The following TBXAS1 variants were observed in gnomAD, a reference collection of about 807,000 sequenced individuals.
The protein encoded by TBXAS1 is thromboxane-A synthase.
A neutral mutation model predicts 60.7 loss-of-function variants in TBXAS1; 48 were observed. The ratio of observed to expected loss-of-function variants is 0.79; its 90% CI spans 0.63 to 1.01. The LOEUF (loss-of-function observed/expected upper bound fraction) is 1.01, where lower values mean the gene tolerates loss of function less well. Ranked by LOEUF, TBXAS1 falls within the 50% of genes least tolerant of loss-of-function variation. The pLI is 0.00. For synonymous variants in TBXAS1, 287 were observed against 269.7 expected, an observed-to-expected ratio of 1.06 and a Z score of -0.63; for missense variants, 685 against 686.3, an observed-to-expected ratio of 1.00 and a Z score of 0.02.
At chr7:139,912,930 T>A in intron 4 of TBXAS1, 1 of 596,450 alleles carries the variant, frequency 1.7e-6, no homozygotes. Context: ...CAGGGATTCA[T>A]GTGCCATCTC....
At chr7:139,796,453 A>G (rs1207475274) in intron 4 of TBXAS1, among the ~76,000 whole-genome samples, 1 of 152,260 alleles carries the variant, frequency 6.6e-6, no homozygotes, top group African/African-American at 2.4e-5. Context: ...GGAGACATGA[A>G]GAAGACAGTG....
chr7:140,009,185 G>C (rs1814325569), intron 10 of TBXAS1, among the ~76,000 whole-genome samples: 1 of 152,238 alleles, frequency 6.6e-6, no homozygotes, highest in Non-Finnish European at 1.5e-5. Flanking sequence ...AGTTGGTGCA[G>C]GTGGACCAGG....
chr7:139,941,087 G>C (rs566020594), intron 5 of TBXAS1, among the ~76,000 whole-genome samples: 211 of 152,308 alleles, frequency 1.4e-3, no homozygotes, highest in African/African-American at 5.0e-3. Context: ...CAGATACTCG[G>C]CTGTGGGTAT....
intron 4 of TBXAS1, among the ~76,000 whole-genome samples, chr7:139,800,058 G>A (rs1218686053): frequency 6.6e-6 from 1 of 152,152 alleles, no homozygotes; most frequent in Non-Finnish European, 1.5e-5. Flanking sequence ...TGGATCTCCA[G>A]AGTTTCCCTG....
At chr7:139,931,943 G>A (rs554807421) in intron 4 of TBXAS1, among the ~76,000 whole-genome samples, 5 of 152,200 alleles carry the variant, frequency 3.3e-5, no homozygotes, top group Admixed American at 1.3e-4. Flanking sequence ...TGTAAGATGC[G>A]AAAAGTTCTG....
intron 9 of TBXAS1, among the ~76,000 whole-genome samples, chr7:139,983,112 T>G (rs1340972076): frequency 6.6e-6 from 1 of 152,264 alleles, no homozygotes. Context: ...TGATGCAAAC[T>G]GATTACATCA....
In TBXAS1 at chr7:139,829,767, T is replaced by C. The variant is rs552503042; in HGVS notation, c.89+288T>C. ...GAAACAAATTGGAAAGGCATTAGGT[T>C]TGGGTAGAAGCATTTCCTTGAACCC... On this transcript the variant is annotated intron_variant, in intron 1 of 12. Coordinates refer to ENST00000448866, the MANE Select transcript of TBXAS1 (RefSeq NM_001061.7). Among the ~76,000 whole-genome samples, 13 of 152,262 alleles carry C rather than the reference T, an allele frequency of 8.5e-5. No individual in the cohort carries two copies. The East Asian group carries it at 1.9e-3, about 23-fold the overall frequency.
rs1374664747 is a variant in TBXAS1, at chr7:139,963,873, T to TTC, written c.1134+1647_1134+1648dup. Among the ~76,000 whole-genome samples, 12 of 152,164 alleles carry TTC rather than the reference T, an allele frequency of 7.9e-5. No homozygotes were observed. In the East Asian group the frequency reaches 2.3e-3, roughly 29 times the overall value. The stretch of plus-strand genomic sequence containing the variant: ...GTCTCAAACTGGTGCACAGGTCCGT[T>TTC]TCTCTCTCGCCAGTTCTTGGCTGTG... On this transcript the variant is annotated intron_variant, in intron 9 of 12. Transcript: ENST00000448866.
chr7:139,875,604 T>G lies in TBXAS1; in HGVS notation c.203T>G (p.Met68Arg), dbSNP rs1489890758. ...FFRQGFWESQ[M>R]ELRKLYGPLC... ...CTTCAGGGTTTTTGGGAAAGCCAAA[T>G]GGAGCTCAGAAAGCTGTATGGACCT... Residue 68 changes from methionine to arginine, a missense_variant, in exon 3 of 13, where the codon ATG becomes AGG. Physicochemically the swap from Met to Arg is moderately conservative, Grantham distance 91 (BLOSUM62 -1). Transcript: ENST00000448866. 1 of 1,614,240 alleles carries G rather than the reference T, an allele frequency of 6.2e-7. No homozygotes were observed. The highest frequency in any genetic ancestry group is 1.3e-5 in the African/African-American group (1 of 75,062).
chr7:139,907,515 C>T (rs189435655), intron 3 of TBXAS1, among the ~76,000 whole-genome samples: 5 of 152,172 alleles, frequency 3.3e-5, no homozygotes, highest in African/African-American at 7.2e-5. Flanking sequence ...CAGAGTAAAC[C>T]TGTCCTCATA....
At chr7:139,867,632 C>A (rs1192825677) in intron 1 of TBXAS1, among the ~76,000 whole-genome samples, 1 of 151,874 alleles carries the variant, frequency 6.6e-6, no homozygotes, top group Non-Finnish European at 1.5e-5. Context: ...ACCAGCCTGG[C>A]CAACAGGGTG....
chr7:139,828,585 G>T (rs1798513468), upstream of TBXAS1, among the ~76,000 whole-genome samples: 1 of 152,170 alleles, frequency 6.6e-6, no homozygotes, highest in Admixed American at 6.5e-5. Context: ...ATGCTGCTCT[G>T]TCTGAAGCTG....
chr7:140,016,141 A>G (rs1422701890), intron 11 of TBXAS1, among the ~76,000 whole-genome samples: 1 of 152,052 alleles, frequency 6.6e-6, no homozygotes, highest in Non-Finnish European at 1.5e-5. Flanking sequence ...ATCCTGGCTA[A>G]CACGGTGAAA....
chr7:139,854,372 C>T (rs1319316105), intron 1 of TBXAS1, among the ~76,000 whole-genome samples: 1 of 152,112 alleles, frequency 6.6e-6, no homozygotes, highest in Non-Finnish European at 1.5e-5. Flanking sequence ...TCACCAAAGA[C>T]CCTAGGTGCC....
chr7:139,913,246 T>C, intron 4 of TBXAS1: 1 of 664,544 alleles, frequency 1.5e-6, no homozygotes, highest in African/African-American at 1.8e-5. Flanking sequence ...ATCTCCTCGC[T>C]CAAAGTCCCC....
chr7:139,999,267 A>T lies in TBXAS1; in HGVS notation c.1135-7824A>T, dbSNP rs545313050. Among the ~76,000 whole-genome samples the T allele has an allele frequency of 1.2e-4, 18 of 152,346 alleles. No homozygotes were observed. The highest frequency in any genetic ancestry group is 4.3e-4 in the African/African-American group (18 of 41,596). On this transcript the variant is annotated intron_variant, in intron 9 of 12. Coordinates refer to ENST00000448866, the MANE Select transcript of TBXAS1 (RefSeq NM_001061.7). The surrounding 1 kb of genome is among the most constrained non-coding windows in gnomAD (Gnocchi z 4.3). ...TGGCCGGGCGCCATGGCTTACGCCT[A>T]TAATCCCAGCACTTTGGGAGGCCGA... is the stretch of plus-strand genomic sequence containing the variant.
chr7:139,862,389 G>A (rs1801033182), intron 1 of TBXAS1, among the ~76,000 whole-genome samples: 1 of 152,164 alleles, frequency 6.6e-6, no homozygotes, highest in East Asian at 1.9e-4. Flanking sequence ...TCCTACTGAA[G>A]GATCAGTAAA....
intron 1 of TBXAS1, among the ~76,000 whole-genome samples, chr7:139,857,084 C>T (rs914330958): frequency 5.3e-5 from 8 of 152,132 alleles, no homozygotes; most frequent in Non-Finnish European, 8.8e-5. Context: ...AAGAGATGGT[C>T]CATTCAGTCA....
At chr7:139,863,939 G>T (rs1275578156) in intron 1 of TBXAS1, among the ~76,000 whole-genome samples, 1 of 152,084 alleles carries the variant, frequency 6.6e-6, no homozygotes, top group Non-Finnish European at 1.5e-5. Flanking sequence ...ACCCAATAAA[G>T]GATATCTATG....
Sources: gnomAD v4.1 joint callset for allele counts (sites outside exome capture counted in the v4.1 genomes callset) on GRCh38, gnomAD v4.1.1 for gene constraint, Gnocchi (gnomAD v3.1) non-coding constraint, MANE v1.5 for transcripts, NCBI Gene and HGNC (gene_info 2026-07-23, HGNC 2026-07-21) for gene names.